Variants in DNAJC13 observed in about 807,000 individuals in gnomAD.
The protein encoded by DNAJC13 is dnaJ homolog subfamily C member 13.
A neutral mutation model predicts 290.5 loss-of-function variants in DNAJC13; 75 were observed. The ratio of observed to expected loss-of-function variants is 0.26; its 90% CI spans 0.21 to 0.31. The LOEUF (loss-of-function observed/expected upper bound fraction) is 0.31, where lower values mean the gene tolerates loss of function less well. DNAJC13 is among the 10% of genes least tolerant of loss of function. The pLI, the probability that DNAJC13 is intolerant of heterozygous loss-of-function variation, is 1.00. For missense variants in DNAJC13, 2,260 were observed against 2,674.5 expected, an observed-to-expected ratio of 0.85 and a Z score of 3.42; for synonymous variants, 862 against 892.0, an observed-to-expected ratio of 0.97 and a Z score of 0.60.
At chr3:132,452,898 A>G (rs1933460982) in intron 6 of DNAJC13, among the ~76,000 whole-genome samples, 1 of 152,222 alleles carries the variant, frequency 6.6e-6, no homozygotes, top group Non-Finnish European at 1.5e-5. Context: ...TCTTGCAAAG[A>G]AGCCTACTGT....
At chr3:132,444,002 T>A (rs554147820) in intron 2 of DNAJC13, among the ~76,000 whole-genome samples, 40 of 152,334 alleles carry the variant, frequency 2.6e-4, no homozygotes, top group Non-Finnish European at 5.3e-4. Context: ...AGGTACACTT[T>A]GCTCATTGCT....
At position 132,479,245 on chromosome 3, in the gene DNAJC13, C is replaced by T. The variant is rs201873458; in HGVS notation, c.2728C>T (p.Arg910Ter). ...MLERCTDKLE[R>*]DRLILFLNKL... ...TCAATAGTGCACAGATAAACTTGAACGAGATAGGTTGATTCTCTTCCTTAA... is the reference window on the plus strand; with the variant it reads ...TCAATAGTGCACAGATAAACTTGAATGAGATAGGTTGATTCTCTTCCTTAA... Residue 910 changes from arginine to a stop codon, truncating the protein, a stop_gained, in exon 25 of 56, where the codon CGA becomes TGA. Transcript: ENST00000260818. LOFTEE classifies it high-confidence loss of function. The T allele has an allele frequency of 6.2e-7, 1 of 1,607,544 alleles. No individual in the cohort carries two copies. The highest frequency in any genetic ancestry group is 8.5e-7 in the Non-Finnish European group (1 of 1,174,828).
chr3:132,457,227 G>A (rs749405321), intron 12 of DNAJC13, 42 bp from the exon 13 acceptor site: 4 of 1,379,176 alleles, frequency 2.9e-6, no homozygotes, highest in East Asian at 2.3e-5. Context: ...AATTTAAAAT[G>A]TTCTGGTATT....
At chr3:132,438,491 A>G (rs968612045) in intron 2 of DNAJC13, among the ~76,000 whole-genome samples, 1 of 152,180 alleles carries the variant, frequency 6.6e-6, no homozygotes, top group Non-Finnish European at 1.5e-5. Context: ...CGTACAACAA[A>G]TTTTTTGTGA....
rs1309753904 is a variant in DNAJC13 at position 132,471,057 on chromosome 3, A to G, written c.2209-2088A>G. Among the ~76,000 whole-genome samples, 264 of 96,010 alleles carry G rather than the reference A, an allele frequency of 2.7e-3. 1 individual carries two copies. Among genetic ancestry groups the G allele is most frequent in the Admixed American group, 6.7e-3 (69 of 10,320 alleles). 63.0% of individuals were successfully genotyped at this position (96,010 alleles called of 152,430 possible). ...TCCCTCCCGGACGGGGCGGCTGGCC[A>G]GGCGGGGGGCTTACCCCCCCACCTC... On this transcript the variant is annotated intron_variant, in intron 20 of 55. Coordinates refer to ENST00000260818, the MANE Select transcript of DNAJC13 (RefSeq NM_015268.4).
intron 55 of DNAJC13, among the ~76,000 whole-genome samples, chr3:132,536,039 C>T (rs1936579488): frequency 6.6e-6 from 1 of 152,190 alleles, no homozygotes; most frequent in South Asian, 2.1e-4. Context: ...GATTTTAGCT[C>T]AGAGGTTCCC....
intron 48 of DNAJC13, among the ~76,000 whole-genome samples, chr3:132,520,798 CA>C (rs1226831057): frequency 6.6e-6 from 1 of 152,108 alleles, no homozygotes; most frequent in African/African-American, 2.4e-5. Flanking sequence ...GAAATTCACC[CA>C]ACTGGTCAAT....
chr3:132,452,618 A>G (rs1182603404), intron 6 of DNAJC13, among the ~76,000 whole-genome samples: 1 of 152,146 alleles, frequency 6.6e-6, no homozygotes, highest in East Asian at 1.9e-4. Context: ...AAACTTTTTG[A>G]GTGCCAACAT....
intron 26 of DNAJC13, among the ~76,000 whole-genome samples, chr3:132,481,042 C>T (rs952259516): frequency 1.3e-5 from 2 of 152,104 alleles, no homozygotes; most frequent in Non-Finnish European, 2.9e-5. Flanking sequence ...ACATACAATA[C>T]ATTAACTTTT....
chr3:132,503,407 T>G (rs1576505435), intron 41 of DNAJC13, 26 bp downstream of exon 41: 7 of 1,613,332 alleles, frequency 4.3e-6, no homozygotes, highest in Non-Finnish European at 5.9e-6. Context: ...GTAGCCTGGG[T>G]TTTAATCAAT....
intron 2 of DNAJC13, among the ~76,000 whole-genome samples, chr3:132,442,110 G>A (rs1576462182): frequency 6.8e-6 from 1 of 147,326 alleles, no homozygotes; most frequent in African/African-American, 2.5e-5. Flanking sequence ...AAAAAATCAT[G>A]CTATAAAATG....
chr3:132,485,419 C>G (rs1283749513), intron 29 of DNAJC13, among the ~76,000 whole-genome samples: 1 of 152,216 alleles, frequency 6.6e-6, no homozygotes, highest in Non-Finnish European at 1.5e-5. Context: ...GGATTACAGG[C>G]ATGAGCCACT....
Position 132,482,292 on chromosome 3 carries a change from G to A in DNAJC13, c.2941G>A (p.Ala981Thr), listed in dbSNP as rs371766447. 2.0e-5 allele frequency: 32 copies of A among 1,613,586 alleles called. No individual in the cohort carries two copies. The highest frequency in any genetic ancestry group is 2.2e-5 in the Non-Finnish European group (26 of 1,179,768). ...TGAAAAGGAATGGTATTTTGGCAAC[G>A]CAGACAAAGAAAGGAGTGGCCCGTA... is the stretch of plus-strand genomic sequence containing the variant. The part of the protein sequence containing the change: ...ESEKEWYFGN[A>T]DKERSGPYGF... Residue 981 changes from alanine (A) to threonine (T), a missense_variant, in exon 27 of 56, where the codon GCA (alanine) becomes ACA (threonine). Transcript: ENST00000260818.
intron 6 of DNAJC13, among the ~76,000 whole-genome samples, chr3:132,453,008 CCTT>C (rs1414462845): frequency 6.6e-6 from 1 of 152,132 alleles, no homozygotes; most frequent in Non-Finnish European, 1.5e-5. Context: ...CCTTGGAGGC[CCTT>C]CTTGGAAGAC....
At chr3:132,426,116 A>G (rs1304224553) in intron 1 of DNAJC13, among the ~76,000 whole-genome samples, 1 of 152,226 alleles carries the variant, frequency 6.6e-6, no homozygotes, top group East Asian at 1.9e-4. Flanking sequence ...GTTCGAAAGC[A>G]TGATGCAGTA....
In DNAJC13 at chr3:132,480,387, A is replaced by G. The variant is rs1406012406; in HGVS notation, c.2791A>G (p.Met931Val). Residue 931 changes from methionine (M) to valine (V), a missense_variant, in exon 26 of 56, where the codon ATG becomes GTG. Around this residue, in one of 3 missense-constraint regions of DNAJC13, gnomAD observed 1,494 missense variants for 1,693.7 expected, o/e 0.88. Coordinates refer to ENST00000260818, the MANE Select transcript of DNAJC13 (RefSeq NM_015268.4). ...ILNKKNVKDL[M>V]DSNGIRILVD... ...CTTCCAGAAAAATGTTAAGGATCTC[A>G]TGGATTCAAATGGAATAAGAATCCT... 2 of 1,612,704 alleles carry G rather than the reference A, an allele frequency of 1.2e-6. No individual in the cohort carries two copies. Among genetic ancestry groups the G allele is most frequent in the Non-Finnish European group, 1.7e-6 (2 of 1,179,154 alleles).
chr3:132,471,802 T>C (rs1391417574), intron 20 of DNAJC13, among the ~76,000 whole-genome samples: 1 of 138,500 alleles, frequency 7.2e-6, no homozygotes, highest in African/African-American at 2.6e-5. Flanking sequence ...TCCCAGACGA[T>C]GGGCGGCCAG....
intron 2 of DNAJC13, among the ~76,000 whole-genome samples, chr3:132,443,383 C>T (rs1933135367): frequency 6.6e-6 from 1 of 152,080 alleles, no homozygotes; most frequent in South Asian, 2.1e-4. Flanking sequence ...AAATTCCTGA[C>T]CTCAAGTGAT....
At chr3:132,533,132 T>C (rs1936473869) in intron 55 of DNAJC13, among the ~76,000 whole-genome samples, 1 of 143,538 alleles carries the variant, frequency 7.0e-6, no homozygotes, top group African/African-American at 2.7e-5. Flanking sequence ...CTTGGCTCAC[T>C]GCAACCTCTG....
Sources: gnomAD v4.1 joint callset for allele counts (sites outside exome capture counted in the v4.1 genomes callset) on GRCh38, gnomAD v4.1.1 for gene constraint, gnomAD v4.1.1 regional missense constraint, MANE v1.5 for transcripts, NCBI Gene and HGNC (gene_info 2026-07-23, HGNC 2026-07-21) for gene names.